MAP3K20: variants seen among roughly 807,000 people sequenced by gnomAD.
MAP3K20 encodes HCCS-4.
A neutral mutation model predicts 85.7 loss-of-function variants in MAP3K20; 40 were observed. That is an observed-to-expected ratio of 0.47 (90% CI 0.36 to 0.61). MAP3K20 has a LOEUF of 0.61. Ranked by LOEUF, MAP3K20 falls within the 20% of genes least tolerant of loss-of-function variation. MAP3K20 has a pLI of 0.00. For missense variants in MAP3K20, 817 were observed against 961.7 expected, an observed-to-expected ratio of 0.85 and a Z score of 1.99; for synonymous variants, 325 against 327.7, an observed-to-expected ratio of 0.99 and a Z score of 0.09.
intron 17 of MAP3K20, among the ~76,000 whole-genome samples, chr2:173,259,673 T>G (rs776628736): frequency 2.6e-5 from 4 of 152,252 alleles, no homozygotes; most frequent in Admixed American, 6.5e-5. Context: ...ATCAGAGTGC[T>G]AAACCACCAA....
chr2:173,128,101 G>C (rs746704087), intron 2 of MAP3K20, among the ~76,000 whole-genome samples: 2 of 151,914 alleles, frequency 1.3e-5, no homozygotes, highest in Non-Finnish European at 2.9e-5. Flanking sequence ...ATTTCATGTT[G>C]ATGCAAAAGA....
At chr2:173,106,872 T>C (rs554816293) in intron 2 of MAP3K20, among the ~76,000 whole-genome samples, 1 of 152,222 alleles carries the variant, frequency 6.6e-6, no homozygotes, top group Admixed American at 6.5e-5. Flanking sequence ...GCCTGGATTT[T>C]AGATTGTAGA....
At chr2:173,202,911 G>A (rs1034845118) in intron 8 of MAP3K20, among the ~76,000 whole-genome samples, 2 of 152,120 alleles carry the variant, frequency 1.3e-5, no homozygotes, top group African/African-American at 4.8e-5. Context: ...TCTTAAAACT[G>A]TTCAAAAGAA....
At chr2:173,201,130 A>G (rs1243645560) in intron 8 of MAP3K20, among the ~76,000 whole-genome samples, 1 of 152,212 alleles carries the variant, frequency 6.6e-6, no homozygotes, top group Non-Finnish European at 1.5e-5. Flanking sequence ...AGAAAAATCA[A>G]TACTTTCTAA....
chr2:173,187,327 T>C (rs1366061287), intron 4 of MAP3K20, among the ~76,000 whole-genome samples: 1 of 152,226 alleles, frequency 6.6e-6, no homozygotes, highest in Admixed American at 6.5e-5. Context: ...TGTAAGAAGC[T>C]AGATTTACCC....
At chr2:173,193,788 C>T (rs1349881743) in intron 7 of MAP3K20, among the ~76,000 whole-genome samples, 1 of 152,180 alleles carries the variant, frequency 6.6e-6, no homozygotes, top group African/African-American at 2.4e-5. Flanking sequence ...AGTAGAAGGG[C>T]TTGAACACGT....
chr2:173,177,517 G>A (rs1410191280), intron 3 of MAP3K20, among the ~76,000 whole-genome samples: 2 of 137,488 alleles, frequency 1.5e-5, no homozygotes, highest in South Asian at 2.3e-4. Context: ...CCATCATCTC[G>A]GCTCACTGCA....
At chr2:173,209,621 T>C in intron 9 of MAP3K20, 108 bp from the exon 10 acceptor site, 1 of 847,114 alleles carries the variant, frequency 1.2e-6, no homozygotes, top group South Asian at 1.8e-5. Context: ...ATGTTTTATT[T>C]TGTTATGGTG....
At chr2:173,224,594 G>A (rs1684335987) in intron 11 of MAP3K20, 1 of 985,066 alleles carries the variant, frequency 1.0e-6, no homozygotes, top group Non-Finnish European at 1.2e-6. Context: ...GAACCTAAAA[G>A]GAATTAGAAT....
At chr2:173,245,832 T>G (rs930567373) in intron 16 of MAP3K20, among the ~76,000 whole-genome samples, 3 of 152,144 alleles carry the variant, frequency 2.0e-5, no homozygotes, top group Non-Finnish European at 4.4e-5. Context: ...CTTGGGAGGC[T>G]GGGGCAGAAG....
intron 16 of MAP3K20, among the ~76,000 whole-genome samples, chr2:173,252,765 T>G (rs950135857): frequency 3.9e-5 from 6 of 152,150 alleles, no homozygotes; most frequent in African/African-American, 1.4e-4. Context: ...CTGTGTGACC[T>G]CAGTCAAATT....
At chr2:173,116,412 A>G (rs1688126121) in intron 2 of MAP3K20, among the ~76,000 whole-genome samples, 1 of 152,210 alleles carries the variant, frequency 6.6e-6, no homozygotes, top group South Asian at 2.1e-4. Context: ...TTTGGCCAGC[A>G]TCTCCCTGCA....
chr2:173,148,471 T>G (rs1441567888), intron 2 of MAP3K20, among the ~76,000 whole-genome samples: 1 of 152,206 alleles, frequency 6.6e-6, no homozygotes, highest in African/African-American at 2.4e-5. Flanking sequence ...TCTCCTGATA[T>G]CCTTAGGATG....
At chr2:173,076,068 G>C (rs915996879) in intron 1 of MAP3K20, 66 bp downstream of exon 1, 2 of 969,302 alleles carry the variant, frequency 2.1e-6, no homozygotes, top group Non-Finnish European at 2.5e-6. Flanking sequence ...GCGCTCGCGA[G>C]TCGTCCCTGC....
intron 1 of MAP3K20, among the ~76,000 whole-genome samples, chr2:173,077,379 C>CAAAAAAAA (rs35541382): frequency 1.0e-5 from 1 of 96,230 alleles, no homozygotes; most frequent in African/African-American, 4.2e-5. Flanking sequence ...TTCAATTTTC[C>CAAAAAAAA]AAAAAAAAAA....
At chr2:173,152,982 G>A (rs1689351577) in intron 2 of MAP3K20, among the ~76,000 whole-genome samples, 1 of 152,146 alleles carries the variant, frequency 6.6e-6, no homozygotes. Flanking sequence ...TCTCAGGGAT[G>A]CTAAATCACA....
intron 2 of MAP3K20, among the ~76,000 whole-genome samples, chr2:173,134,424 A>ATTTT (rs1315509260): frequency 1.8e-3 from 9 of 5,036 alleles, no homozygotes; most frequent in East Asian, 4.3e-3. Flanking sequence ...ATATATATAT[A>ATTTT]TATATTTTTT....
intron 2 of MAP3K20, among the ~76,000 whole-genome samples, chr2:173,153,351 A>G (rs1479090788): frequency 6.6e-6 from 1 of 152,194 alleles, no homozygotes; most frequent in African/African-American, 2.4e-5. Context: ...AAAACTTTCT[A>G]TCAAGTTATT....
At chr2:173,077,897 T>C (rs1003897495) in intron 1 of MAP3K20, among the ~76,000 whole-genome samples, 8 of 152,226 alleles carry the variant, frequency 5.3e-5, no homozygotes, top group African/African-American at 1.7e-4. Flanking sequence ...ACTTGGCAAG[T>C]TGCACTGTGT....
Sources: allele counts gnomAD v4.1 joint callset (sites outside exome capture counted in the v4.1 genomes callset), GRCh38; gene constraint gnomAD v4.1.1; transcripts MANE v1.5; gene names NCBI Gene and HGNC (gene_info 2026-07-23, HGNC 2026-07-21).